Variants in CLMP observed in about 807,000 individuals in gnomAD.
CLMP encodes CXADR-like membrane protein.
In CLMP, 27 loss-of-function variants were observed where a neutral mutation model predicts 45.2. That is an observed-to-expected ratio of 0.60 (90% CI 0.44 to 0.82). CLMP has a LOEUF of 0.82. CLMP is among the 40% of genes least tolerant of loss of function. The pLI is 0.00. For synonymous variants in CLMP, 167 were observed against 171.4 expected, an observed-to-expected ratio of 0.97 and a Z score of 0.20; for missense variants, 403 against 448.4, an observed-to-expected ratio of 0.90 and a Z score of 0.91.
intron 2 of CLMP, among the ~76,000 whole-genome samples, chr11:123,095,442 G>C (rs2135478792): frequency 6.6e-6 from 1 of 152,022 alleles, no homozygotes; most frequent in Admixed American, 6.6e-5. Flanking sequence ...CTTATTTTTT[G>C]TATTTTTAGT....
At position 123,183,323 on chromosome 11, in the gene CLMP, C is replaced by T. The variant is rs180810501; in HGVS notation, c.28+11590G>A. On this transcript the variant is annotated intron_variant, in intron 1 of 6. Coordinates refer to ENST00000448775, the MANE Select transcript of CLMP (RefSeq NM_024769.5). The stretch of plus-strand genomic sequence containing the variant: ...TCGGCTCACTGCAACCTCCATCTCC[C>T]GGGTTCAAGTGATTTTCCTGCCTCA... Among the ~76,000 whole-genome samples, 536 of 152,240 alleles carry T rather than the reference C, an allele frequency of 3.5e-3. 3 individuals carry two copies. Among genetic ancestry groups the T allele is most frequent in the African/African-American group, 0.012 (503 of 41,550 alleles).
chr11:123,195,029 G>C lies in CLMP; in HGVS notation c.-89C>G, dbSNP rs1418185450. On this transcript the variant is annotated 5_prime_UTR_variant, in exon 1 of 7. Coordinates refer to ENST00000448775, the MANE Select transcript of CLMP (RefSeq NM_024769.5). The stretch of plus-strand genomic sequence containing the variant: ...CCTCCGACGGACCTCGGGCGAGCTG[G>C]GCGCGGCGCCTCGGGGTGCGCGCGA... The C allele has an allele frequency of 2.9e-6, 4 of 1,363,152 alleles. No individual in the cohort carries two copies. In the Admixed American group the frequency reaches 7.9e-5, roughly 27 times the overall value. The allele number at this position is 1,363,152 out of a possible 1,614,324, so 84.4% of individuals were successfully genotyped here. A position where few individuals can be genotyped will look rare whatever the true frequency, so the allele number is the denominator to read the frequency against.
In CLMP at chr11:123,083,760, G is replaced by T. The variant is rs1422264542; in HGVS notation, c.476C>A (p.Thr159Lys). ...LTLQCESSSG[T>K]EPIVYYWQRI... is the part of the protein sequence containing the mutation. ...CTGCCAGTAATACACAATGGGCTCT[G>T]TGCCAGAGGATGACTCACACTGCAA... is the stretch of plus-strand genomic sequence containing the variant. Residue 159 changes from threonine (T) to lysine (K), a missense_variant, in exon 4 of 7, where the codon ACA (threonine) becomes AAA (lysine). Thr to Lys is a moderately conservative substitution (Grantham distance 78). Coordinates refer to ENST00000448775, the MANE Select transcript of CLMP (RefSeq NM_024769.5). The T allele has an allele frequency of 1.9e-5, 31 of 1,614,036 alleles. No homozygotes were observed. Among genetic ancestry groups the T allele is most frequent in the Non-Finnish European group, 2.6e-5 (31 of 1,180,022 alleles).
chr11:123,160,740 G>A (rs1024090922), intron 1 of CLMP, among the ~76,000 whole-genome samples: 1 of 152,100 alleles, frequency 6.6e-6, no homozygotes, highest in Non-Finnish European at 1.5e-5. Context: ...AACTTTGGGA[G>A]GCTGAGGTGG....
chr11:123,122,056 G>A (rs1860826205), intron 1 of CLMP, among the ~76,000 whole-genome samples: 1 of 152,094 alleles, frequency 6.6e-6, no homozygotes, highest in Non-Finnish European at 1.5e-5. Flanking sequence ...TCATTTTAGT[G>A]GGTTTTGGGG....
At chr11:123,173,466 T>G (rs928733108) in intron 1 of CLMP, among the ~76,000 whole-genome samples, 1 of 152,222 alleles carries the variant, frequency 6.6e-6, no homozygotes, top group African/African-American at 2.4e-5. Flanking sequence ...GATGGAAGTC[T>G]GCGTGTAATA....
At chr11:123,091,904 C>T (rs764515649) in intron 2 of CLMP, among the ~76,000 whole-genome samples, 18 of 152,168 alleles carry the variant, frequency 1.2e-4, no homozygotes, top group Admixed American at 2.6e-4. Context: ...CCTATGCCAG[C>T]GCAGTCTGGA....
At chr11:123,182,821 T>C (rs1020007953) in intron 1 of CLMP, among the ~76,000 whole-genome samples, 1 of 152,174 alleles carries the variant, frequency 6.6e-6, no homozygotes, top group Non-Finnish European at 1.5e-5. Context: ...AATAACTCAA[T>C]GCCCACACAC....
chr11:123,150,478 A>AGAAAGAAAGAAAGAAAGAAAGAAG lies in CLMP; in HGVS notation c.28+44434_28+44435insCTTCTTTCTTTCTTTCTTTCTTTC, dbSNP rs1565397421. ...AAGAAAGAAAGAAAGAAAGAAAGAA[A>AGAAAGAAAGAAAGAAAGAAAGAAG]GAAAGGAAGGAAGGAAGGAAGGAAG... On this transcript the variant is annotated intron_variant, in intron 1 of 6. Transcript: ENST00000448775. 1.0e-3 allele frequency among the ~76,000 whole-genome samples: 104 copies of AGAAAGAAAGAAAGAAAGAAAGAAG among 103,746 alleles called. 1 individual carries two copies. The highest frequency in any genetic ancestry group is 3.4e-3 in the African/African-American group (93 of 27,188). 68.1% of individuals were successfully genotyped at this position (103,746 alleles called of 152,430 possible).
chr11:123,128,621 C>T (rs1392717388), intron 1 of CLMP, among the ~76,000 whole-genome samples: 2 of 152,088 alleles, frequency 1.3e-5, no homozygotes, highest in Non-Finnish European at 2.9e-5. Flanking sequence ...GATCACGTCA[C>T]TGCATTCTAG....
chr11:123,092,338 C>T (rs1420376808), intron 2 of CLMP, among the ~76,000 whole-genome samples: 2 of 151,904 alleles, frequency 1.3e-5, no homozygotes, highest in African/African-American at 4.8e-5. Flanking sequence ...AGCTCTGTCG[C>T]CCAGGTTGGA....
intron 1 of CLMP, among the ~76,000 whole-genome samples, chr11:123,178,932 A>T (rs964342796): frequency 3.3e-5 from 5 of 152,342 alleles, no homozygotes; most frequent in Admixed American, 1.3e-4. Context: ...CGTCTAGCAC[A>T]GTGTCTGTTA....
chr11:123,164,360 G>A (rs781428239), intron 1 of CLMP, among the ~76,000 whole-genome samples: 3 of 152,136 alleles, frequency 2.0e-5, no homozygotes, highest in Non-Finnish European at 4.4e-5. Context: ...CTGGAGTGCA[G>A]TGGCCCACTC....
intron 2 of CLMP, among the ~76,000 whole-genome samples, chr11:123,089,776 C>CAAAA (rs556690828): frequency 1.1e-4 from 9 of 79,332 alleles, no homozygotes; most frequent in South Asian, 3.9e-4. Context: ...GTCTCCATCT[C>CAAAA]AAAAAAAAAA....
At chr11:123,086,492 C>T (rs1372144142) in intron 2 of CLMP, among the ~76,000 whole-genome samples, 1 of 152,224 alleles carries the variant, frequency 6.6e-6, no homozygotes, top group Non-Finnish European at 1.5e-5. Context: ...AGCCCTCAAC[C>T]CTGCCTTTGA....
chr11:123,110,417 G>A (rs1447273416), intron 1 of CLMP, among the ~76,000 whole-genome samples: 2 of 149,836 alleles, frequency 1.3e-5, no homozygotes, highest in Non-Finnish European at 2.9e-5. Flanking sequence ...TTGTGTCACT[G>A]CACACCAGCC....
At chr11:123,153,021 T>A (rs34817879) in intron 1 of CLMP, among the ~76,000 whole-genome samples, 105 of 152,210 alleles carry the variant, frequency 6.9e-4, no homozygotes, top group Middle Eastern at 6.8e-3. Flanking sequence ...ACGTTTATTC[T>A]TTTTTCCTAA....
intron 1 of CLMP, among the ~76,000 whole-genome samples, chr11:123,130,841 CTT>C (rs11322192): frequency 0.029 from 3,648 of 126,206 alleles, 62 homozygotes; most frequent in East Asian, 0.11. Context: ...TTTTCTTTTC[CTT>C]TTTTTTTTTT....
chr11:123,174,835 G>A (rs879497381), intron 1 of CLMP, among the ~76,000 whole-genome samples: 4 of 152,156 alleles, frequency 2.6e-5, no homozygotes, highest in Non-Finnish European at 4.4e-5. Flanking sequence ...TCCTTCCCTG[G>A]ATTAAAGCCA....
Sources: gnomAD v4.1 joint callset for allele counts (sites outside exome capture counted in the v4.1 genomes callset) on GRCh38, gnomAD v4.1.1 for gene constraint, MANE v1.5 for transcripts, NCBI Gene and HGNC (gene_info 2026-07-23, HGNC 2026-07-21) for gene names.